ZNF423: variants seen among roughly 807,000 people sequenced by gnomAD.
ZNF423 encodes the protein zinc finger protein 423, also known as Ebf-associated zinc finger protein.
A neutral mutation model predicts 95.8 loss-of-function variants in ZNF423; 12 were observed. That is an observed-to-expected ratio of 0.13 (90% CI 0.08 to 0.20). ZNF423 has a LOEUF of 0.20. Among genes scored for constraint, ZNF423 ranks in the 10% least tolerant of loss-of-function variants. The pLI is 1.00. For missense variants in ZNF423, 1,316 were observed against 1,737.1 expected (o/e 0.76, Z 4.31); for synonymous variants, 749 against 711.9 (o/e 1.05, Z -0.83).
chr16:49,497,122 C>A (rs572684300), intron 7 of ZNF423, among the ~76,000 whole-genome samples: 13 of 152,184 alleles, frequency 8.5e-5, no homozygotes, highest in Non-Finnish European at 1.8e-4. Context: ...GAACAGAATG[C>A]CATGTCTGCA....
At chr16:49,779,273 G>A (rs1048998730) in intron 2 of ZNF423, among the ~76,000 whole-genome samples, 1 of 151,806 alleles carries the variant, frequency 6.6e-6, no homozygotes, top group Non-Finnish European at 1.5e-5. Flanking sequence ...AGAGGGCAGC[G>A]GGAGCACTGA....
intron 5 of ZNF423, among the ~76,000 whole-genome samples, chr16:49,541,733 G>C (rs1238895860): frequency 6.6e-6 from 1 of 152,152 alleles, no homozygotes. Flanking sequence ...TTCCCCCCAT[G>C]CTGTTCTCAT....
chr16:49,752,568 C>T (rs2033652330), intron 2 of ZNF423, among the ~76,000 whole-genome samples: 1 of 152,186 alleles, frequency 6.6e-6, no homozygotes, highest in African/African-American at 2.4e-5. Flanking sequence ...AGGAGGGTGG[C>T]CCATAGAGCA....
intron 3 of ZNF423, among the ~76,000 whole-genome samples, chr16:49,695,616 G>A (rs866578792): frequency 7.9e-5 from 12 of 152,184 alleles, no homozygotes; most frequent in Non-Finnish European, 1.5e-4. Context: ...TAGTAGAAGC[G>A]GAGTTTCGCC....
At chr16:49,526,666 A>C (rs1366970113) in intron 5 of ZNF423, among the ~76,000 whole-genome samples, 1 of 152,194 alleles carries the variant, frequency 6.6e-6, no homozygotes, top group East Asian at 1.9e-4. Flanking sequence ...TTTGAGCTTC[A>C]CATCACCTGG....
chr16:49,702,360 C>T (rs1054281703), intron 3 of ZNF423, among the ~76,000 whole-genome samples: 6 of 152,202 alleles, frequency 3.9e-5, no homozygotes, highest in Non-Finnish European at 5.9e-5. Flanking sequence ...CAGCGAGCCT[C>T]GCACCCCTCT....
rs999685509 is a variant in ZNF423, at chr16:49,490,179, G to A, written c.*1096C>T. ...CATCTCCGTGCCTCAGAACCCAAGT[G>A]CCACCTGGAGTCCTGGCAAGGGAAG... On this transcript the variant is annotated 3_prime_UTR_variant, in exon 8 of 8. Transcript: ENST00000563137. 18 of 152,264 alleles carry A rather than the reference G, an allele frequency of 1.2e-4. No individual in the cohort carries two copies. The highest frequency in any genetic ancestry group is 1.2e-3 in the Admixed American group (18 of 15,286). 9.4% of individuals were successfully genotyped at this position (152,264 alleles called of 1,614,324 possible). A position where few individuals can be genotyped will look rare whatever the true frequency, so the allele number is the denominator to read the frequency against.
chr16:49,707,913 AG>A (rs1293302630), intron 3 of ZNF423: 12 of 152,884 alleles, frequency 7.8e-5, no homozygotes, highest in African/African-American at 2.4e-4. Context: ...CCCAGGTTCA[AG>A]CGATTCTATG....
At chr16:49,590,994 T>C (rs1307073311) in intron 5 of ZNF423, among the ~76,000 whole-genome samples, 1 of 152,190 alleles carries the variant, frequency 6.6e-6, no homozygotes, top group African/African-American at 2.4e-5. Flanking sequence ...CTTCTTATAA[T>C]GGAACACCAA....
chr16:49,571,365 G>A (rs1970348634), intron 5 of ZNF423, among the ~76,000 whole-genome samples: 1 of 152,124 alleles, frequency 6.6e-6, no homozygotes, highest in African/African-American at 2.4e-5. Flanking sequence ...CCACCTAACT[G>A]CAGCCTGAGA....
chr16:49,580,653 T>C (rs35375127), intron 5 of ZNF423, among the ~76,000 whole-genome samples: 38,264 of 152,154 alleles, frequency 0.25, 4,972 homozygotes, highest in East Asian at 0.42. Flanking sequence ...ATCTTCCTTG[T>C]TCCTTCTTAA....
chr16:49,492,670 C>A lies in ZNF423; in HGVS notation c.3850-1366G>T, dbSNP rs887592028. Among the ~76,000 whole-genome samples the A allele has an allele frequency of 6.6e-6, 1 of 152,204 alleles. No individual in the cohort carries two copies. Among genetic ancestry groups the A allele is most frequent in the Non-Finnish European group, 1.5e-5 (1 of 68,026 alleles). On this transcript the variant is annotated intron_variant, in intron 7 of 7. Coordinates refer to ENST00000563137, the MANE Select transcript of ZNF423 (RefSeq NM_001379286.1). The surrounding 1 kb of genome is among the most constrained non-coding windows in gnomAD (Gnocchi z 4.2). The stretch of plus-strand genomic sequence containing the variant: ...CCCAGCAGATGCCCACAGCGCCAAG[C>A]GACAGCCTCGTGCTCATGCGGGCGG...
At chr16:49,792,085 A>G (rs1185891901) in intron 1 of ZNF423, among the ~76,000 whole-genome samples, 1 of 151,898 alleles carries the variant, frequency 6.6e-6, no homozygotes, top group African/African-American at 2.4e-5. Context: ...GTGATAGCTA[A>G]GGATACAGAG....
chr16:49,602,936 G>A (rs1971423458), intron 5 of ZNF423, among the ~76,000 whole-genome samples: 1 of 152,214 alleles, frequency 6.6e-6, no homozygotes, highest in African/African-American at 2.4e-5. Flanking sequence ...CGGAGCTGCC[G>A]GCGGGCGATC....
intron 2 of ZNF423, among the ~76,000 whole-genome samples, chr16:49,748,021 T>C (rs1339225657): frequency 1.3e-5 from 2 of 152,188 alleles, no homozygotes; most frequent in South Asian, 4.1e-4. Flanking sequence ...GGCAGGAGGA[T>C]CACTTTAGCC....
At chr16:49,617,344 C>A (rs565337357) in intron 5 of ZNF423, among the ~76,000 whole-genome samples, 96 of 152,322 alleles carry the variant, frequency 6.3e-4, no homozygotes, top group African/African-American at 2.3e-3. Flanking sequence ...TTGTTGTCTG[C>A]TGTTATTCCA....
chr16:49,681,011 A>G (rs1199762453), intron 3 of ZNF423, among the ~76,000 whole-genome samples: 2 of 152,202 alleles, frequency 1.3e-5, no homozygotes, highest in African/African-American at 4.8e-5. Context: ...TTTCTAAGAA[A>G]TGTCGGTGTC....
intron 2 of ZNF423, chr16:49,731,222 G>T (rs2292156): frequency 0.16 from 114,310 of 696,778 alleles, 9,974 homozygotes; most frequent in East Asian, 0.27. Context: ...CTCTGTGCAC[G>T]GATGCTGGGG....
chr16:49,641,714 A>T (rs1972981427), intron 3 of ZNF423, among the ~76,000 whole-genome samples: 1 of 152,232 alleles, frequency 6.6e-6, no homozygotes, highest in African/African-American at 2.4e-5. Context: ...ACGCATCTGA[A>T]AAAAGGGAAT....
Sources: gnomAD v4.1 joint callset for allele counts (sites outside exome capture counted in the v4.1 genomes callset) on GRCh38, gnomAD v4.1.1 for gene constraint, Gnocchi (gnomAD v3.1) non-coding constraint, MANE v1.5 for transcripts, NCBI Gene and HGNC (gene_info 2026-07-23, HGNC 2026-07-21) for gene names.